ALPK1: variants seen among roughly 807,000 people sequenced by gnomAD.
ALPK1 encodes the protein alpha-protein kinase 1.
A neutral mutation model predicts 120.6 loss-of-function variants in ALPK1; 110 were observed. The ratio of observed to expected loss-of-function variants is 0.91; its 90% CI spans 0.78 to 1.07. The LOEUF (loss-of-function observed/expected upper bound fraction) is 1.07, where lower values mean the gene tolerates loss of function less well. Among genes scored for constraint, ALPK1 ranks in the 50% least tolerant of loss-of-function variants. The pLI is 0.00. For missense variants in ALPK1, 1,498 were observed against 1,483.9 expected (o/e 1.01, Z -0.16); for synonymous variants, 582 against 560.3 (o/e 1.04, Z -0.55).
chr4:112,349,710 C>T (rs144098048), intron 2 of ALPK1, among the ~76,000 whole-genome samples: 9 of 152,094 alleles, frequency 5.9e-5, no homozygotes, highest in Non-Finnish European at 1.0e-4. Flanking sequence ...TGTACCACCA[C>T]GCCTGGCTAA....
At chr4:112,398,188 G>A (rs1476490343) in intron 4 of ALPK1, among the ~76,000 whole-genome samples, 1 of 152,148 alleles carries the variant, frequency 6.6e-6, no homozygotes, top group Non-Finnish European at 1.5e-5. Flanking sequence ...CAAAGAGTCT[G>A]GAGAATGGTG....
In ALPK1 at chr4:112,423,970, C is replaced by CATTGT; in HGVS notation, c.502_503insATTGT (p.Leu168HisfsTer3). ...AAAACTTTTAAAAGCAGAGTATATTCTGAGCAGTCTAATAAGCAACAATGG... is the reference window on the plus strand; with the variant it reads ...AAAACTTTTAAAAGCAGAGTATATTCATTGTTGAGCAGTCTAATAAGCAACAATGG... On this transcript the variant is annotated frameshift_variant, in exon 6 of 16. Transcript: ENST00000650871. LOFTEE classifies it high-confidence loss of function. 1 of 1,613,986 alleles carries CATTGT rather than the reference C, an allele frequency of 6.2e-7. No individual in the cohort carries two copies. The highest frequency in any genetic ancestry group is 1.7e-5 in the Admixed American group (1 of 60,002).
At chr4:112,358,986 G>A in intron 2 of ALPK1, 2 of 767,812 alleles carry the variant, frequency 2.6e-6, no homozygotes, top group East Asian at 4.9e-5. Context: ...GTTTGAGGAG[G>A]TCTGTATACA....
At chr4:112,317,539 T>A (rs968599388) in intron 2 of ALPK1, among the ~76,000 whole-genome samples, 1 of 152,164 alleles carries the variant, frequency 6.6e-6, no homozygotes, top group Non-Finnish European at 1.5e-5. Flanking sequence ...TTGTTGGAAG[T>A]CATGTGACCC....
intron 1 of ALPK1, among the ~76,000 whole-genome samples, chr4:112,310,992 G>A (rs1300824149): frequency 6.6e-6 from 1 of 151,158 alleles, no homozygotes; most frequent in Non-Finnish European, 1.5e-5. Context: ...TAGAAAGGAG[G>A]AAACTGAGGT....
In ALPK1 at chr4:112,315,125, A is replaced by G. The variant is rs1578455914; in HGVS notation, c.-152-676A>G. Among the ~76,000 whole-genome samples the G allele has an allele frequency of 1.3e-5, 2 of 151,818 alleles. 1 individual carries two copies. Among genetic ancestry groups the G allele is most frequent in the South Asian group, 4.2e-4 (2 of 4,816 alleles). ...TTGAACTCTTGACCTCACATGATCCACCTGCCTCAGCCTCCCAAAGTGCTG... is the reference window on the plus strand; with the variant it reads ...TTGAACTCTTGACCTCACATGATCCGCCTGCCTCAGCCTCCCAAAGTGCTG... On this transcript the variant is annotated intron_variant, in intron 1 of 15. Coordinates refer to ENST00000650871, the MANE Select transcript of ALPK1 (RefSeq NM_025144.4).
At chr4:112,379,870 G>C (rs1731826844) in intron 3 of ALPK1, among the ~76,000 whole-genome samples, 1 of 152,212 alleles carries the variant, frequency 6.6e-6, no homozygotes, top group Non-Finnish European at 1.5e-5. Context: ...TGCCTCACAG[G>C]ACATTCTGAC....
chr4:112,350,920 G>A (rs1730325733), intron 2 of ALPK1, among the ~76,000 whole-genome samples: 1 of 152,138 alleles, frequency 6.6e-6, no homozygotes. Flanking sequence ...GAGTCTATGT[G>A]AGCGTTCTCT....
intron 2 of ALPK1, among the ~76,000 whole-genome samples, chr4:112,316,801 AT>A (rs1174618917): frequency 6.8e-6 from 1 of 147,990 alleles, no homozygotes; most frequent in South Asian, 2.2e-4. Flanking sequence ...AACTTTGCCC[AT>A]TTTTTTTCAA....
rs1167257884 is a variant in ALPK1 at position 112,441,013 on chromosome 4, G to C, written c.3635G>C (p.Arg1212Thr). 1 of 1,613,904 alleles carries C rather than the reference G, an allele frequency of 6.2e-7. No homozygotes were observed. Among genetic ancestry groups the C allele is most frequent in the African/African-American group, 1.3e-5 (1 of 74,904 alleles). The change falls in exon 15 of 16, where the codon AGA becomes ACA. Residue 1212 changes from arginine to threonine, a missense_variant. Physicochemically the swap from Arg to Thr is moderately conservative, Grantham distance 71. Transcript: ENST00000650871. ...GTTTTCACTACCAATTTTGGAAAGAGAGGAATTTTTTACTTCTTTAATAAC... is the reference window on the plus strand; with the variant it reads ...GTTTTCACTACCAATTTTGGAAAGACAGGAATTTTTTACTTCTTTAATAAC... ...QKVFTTNFGKRGIFYFFNNQH... is the reference protein window; with the variant it reads ...QKVFTTNFGKTGIFYFFNNQH...
intron 5 of ALPK1, among the ~76,000 whole-genome samples, chr4:112,416,073 A>C (rs911346481): frequency 6.6e-6 from 1 of 152,208 alleles, no homozygotes; most frequent in Non-Finnish European, 1.5e-5. Context: ...AAAAAGACAC[A>C]AATAGTAGTG....
intron 3 of ALPK1, 71 bp from the exon 4 acceptor site, chr4:112,382,327 A>G (rs1731956478): frequency 3.0e-6 from 4 of 1,329,648 alleles, no homozygotes; most frequent in African/African-American, 3.5e-5. Context: ...GAGGTGCTTC[A>G]TCATAACATT....
At position 112,412,006 on chromosome 4, in the gene ALPK1, C is replaced by G; in HGVS notation, c.456C>G (p.Ala152=). 6.2e-7 allele frequency: 1 copy of G among 1,614,080 alleles called. No individual in the cohort carries two copies. The highest frequency in any genetic ancestry group is 8.5e-7 in the Non-Finnish European group (1 of 1,180,042). Residue 152 remains alanine (A), a synonymous_variant, in exon 5 of 16, where the codon GCC becomes GCG. Transcript: ENST00000650871. The part of the protein sequence containing the change: ...PIAPQVVIRQ[A]RISVNSGKLL... The stretch of plus-strand genomic sequence containing the variant: ...CCCCGCAGGTGGTTATTCGCCAAGC[C>G]CGAATCTCCGTGAACTCAGGTATGC...
At chr4:112,344,307 C>T (rs11723765) in intron 2 of ALPK1, among the ~76,000 whole-genome samples, 50,842 of 151,996 alleles carry the variant, frequency 0.33, 8,920 homozygotes, top group East Asian at 0.57. Flanking sequence ...TGAACTGCTG[C>T]GAGTGGAAGT....
At chr4:112,382,289 CT>C (rs34345428) in intron 3 of ALPK1, 108 bp from the exon 4 acceptor site, 23,232 of 663,112 alleles carry the variant, frequency 0.035, 8 homozygotes, top group Non-Finnish European at 0.042. Context: ...AGGTTTTTCT[CT>C]TTTTTTTTTT....
chr4:112,358,237 CT>C, intron 2 of ALPK1: 1 of 591,426 alleles, frequency 1.7e-6, no homozygotes, highest in Non-Finnish European at 3.2e-6. Flanking sequence ...ACAGGGTTGC[CT>C]TTGCAGACGC....
intron 7 of ALPK1, 183 bp from the exon 8 acceptor site, chr4:112,426,284 A>C: frequency 2.5e-6 from 1 of 398,454 alleles, no homozygotes; most frequent in Non-Finnish European, 4.5e-6. Flanking sequence ...GTGAAATGGA[A>C]AAATTGTCTA....
chr4:112,341,905 C>T (rs976979939), intron 2 of ALPK1, among the ~76,000 whole-genome samples: 2 of 152,178 alleles, frequency 1.3e-5, no homozygotes, highest in Non-Finnish European at 2.9e-5. Context: ...TGCTTTCACC[C>T]TCACCTTTGA....
At chr4:112,417,125 A>C (rs543077301) in intron 5 of ALPK1, among the ~76,000 whole-genome samples, 1 of 152,306 alleles carries the variant, frequency 6.6e-6, no homozygotes, top group African/African-American at 2.4e-5. Context: ...TGTCATTCAA[A>C]AGTGAGGATA....
Sources: gnomAD v4.1 joint callset for allele counts (sites outside exome capture counted in the v4.1 genomes callset) on GRCh38, gnomAD v4.1.1 for gene constraint, MANE v1.5 for transcripts, NCBI Gene and HGNC (gene_info 2026-07-23, HGNC 2026-07-21) for gene names.